The following FHOD1 variants were observed in gnomAD, a reference collection of about 807,000 sequenced individuals.
The protein encoded by FHOD1 is FH1/FH2 domain-containing protein 1.
A neutral mutation model predicts 111.6 loss-of-function variants in FHOD1; 89 were observed. The ratio of observed to expected loss-of-function variants is 0.80; its 90% CI spans 0.67 to 0.95. The LOEUF (loss-of-function observed/expected upper bound fraction) is 0.95, where lower values mean the gene tolerates loss of function less well. Among genes scored for constraint, FHOD1 ranks in the 40% least tolerant of loss-of-function variants. FHOD1 has a pLI of 0.00. For missense variants in FHOD1, 1,446 were observed against 1,554.2 expected, an observed-to-expected ratio of 0.93 and a Z score of 1.17; for synonymous variants, 618 against 639.0, an observed-to-expected ratio of 0.97 and a Z score of 0.50.
In FHOD1 at chr16:67,230,783, A is replaced by G. The variant is rs1340047387; in HGVS notation, c.2676T>C (p.Phe892=). 1.3e-5 allele frequency: 20 copies of G among 1,594,714 alleles called. No homozygotes were observed. The highest frequency in any genetic ancestry group is 1.7e-5 in the Non-Finnish European group (20 of 1,169,870). Residue 892 remains phenylalanine, a synonymous_variant, in exon 18 of 22, where the codon TTT becomes TTC. Coordinates refer to ENST00000258201, the MANE Select transcript of FHOD1 (RefSeq NM_013241.3). ...PALTRCAKVD[F]EQLTENLGQL... ...GCCCCAGGTTCTCAGTCAGCTGTTC[A>G]AAGTCCACCTGAGAAAGCAAGGGGG...
chr16:67,230,402 C>T lies in FHOD1; in HGVS notation c.2963G>A (p.Arg988Gln), dbSNP rs2034211133. 27 of 1,614,120 alleles carry T rather than the reference C, an allele frequency of 1.7e-5. No homozygotes were observed. Among genetic ancestry groups the T allele is most frequent in the Non-Finnish European group, 2.1e-5 (25 of 1,180,040 alleles). ...HTLREFALEY[R>Q]TCRERVLQQQ... ...CTGTAGCACTCGTTCCCGGCAAGTC[C>T]GATACTCAAGCGCAAATTCCCGCAG... is the stretch of plus-strand genomic sequence containing the variant. Residue 988 changes from arginine (R) to glutamine (Q), a missense_variant, in exon 19 of 22, where the codon CGG (arginine) becomes CAG (glutamine). Arg to Gln is a conservative substitution (Grantham distance 43). Around this residue, in one of 3 missense-constraint regions of FHOD1, gnomAD observed 1,085 missense variants for 1,108.8 expected, o/e 0.98. Transcript: ENST00000258201.
In FHOD1 at chr16:67,229,479, CACACACTCACATGCAT is replaced by C; in HGVS notation, c.*141_*156del. 1.5e-6 allele frequency: 1 copy of C among 679,944 alleles called. No homozygotes were observed. The highest frequency in any genetic ancestry group is 1.7e-5 in the South Asian group (1 of 59,440). 42.1% of individuals were successfully genotyped at this position (679,944 alleles called of 1,614,324 possible). A position where few individuals can be genotyped will look rare whatever the true frequency, so the allele number is the denominator to read the frequency against. ...ATATGCATGCACACACACACATACA[CACACACTCACATGCAT>C]ACACACACGGCTAATACTGCTCAAG... On this transcript the variant is annotated 3_prime_UTR_variant, in exon 22 of 22. Transcript: ENST00000258201.
intron 11 of FHOD1, chr16:67,235,948 C>A: frequency 1.3e-6 from 1 of 778,596 alleles, no homozygotes; most frequent in Non-Finnish European, 1.6e-6. Context: ...CGTGAAACCC[C>A]TGCTGGGGGA....
chr16:67,242,911 ATAGATC>A (rs1194782298), intron 1 of FHOD1, among the ~76,000 whole-genome samples: 3 of 151,786 alleles, frequency 2.0e-5, no homozygotes, highest in African/African-American at 7.2e-5. Context: ...ATATATAGAT[ATAGATC>A]TATAATATAT....
rs1567383836 is a variant in FHOD1 at position 67,231,307 on chromosome 16, CCT to C, written c.2546_2547del (p.Glu849GlyfsTer24). The C allele has an allele frequency of 6.2e-7, 1 of 1,614,044 alleles. No homozygotes were observed. Among genetic ancestry groups the C allele is most frequent in the African/African-American group, 1.3e-5 (1 of 74,916 alleles). Reference sequence around the variant, plus strand: ...GACTGTCGACGCACCGTGTCCTTCACCTCTGACACCTTCTCCAGGTAGCTCAG... The same window carrying C: ...GACTGTCGACGCACCGTGTCCTTCACCTGACACCTTCTCCAGGTAGCTCAG... ...FELSYLEKVS[E>X]VKDTVRRQSL... On this transcript the variant is annotated frameshift_variant, in exon 17 of 22. Transcript: ENST00000258201. LOFTEE classifies it high-confidence loss of function. This position sits in a 1 kb window ranked among gnomAD's most constrained non-coding sequence, Gnocchi z 4.3.
At position 67,237,617 on chromosome 16, in the gene FHOD1, G is replaced by A; in HGVS notation, c.754+40C>T. On this transcript the variant is annotated intron_variant, in intron 7 of 21. Coordinates refer to ENST00000258201, the MANE Select transcript of FHOD1 (RefSeq NM_013241.3). This position sits in a 1 kb window ranked among gnomAD's most constrained non-coding sequence, Gnocchi z 5.6. ...GTCATGGGGGAACAGGTAGGAGAGAGGGCTCTGAGCGGTGGGGGGAGAAAG... is the reference window on the plus strand; with the variant it reads ...GTCATGGGGGAACAGGTAGGAGAGAAGGCTCTGAGCGGTGGGGGGAGAAAG... 1 of 1,613,348 alleles carries A rather than the reference G, an allele frequency of 6.2e-7. No individual in the cohort carries two copies. Among genetic ancestry groups the A allele is most frequent in the Non-Finnish European group, 8.5e-7 (1 of 1,179,262 alleles).
chr16:67,230,821 C>A (rs1232945414), intron 17 of FHOD1, 30 bp from the exon 18 acceptor site: 1 of 1,545,118 alleles, frequency 6.5e-7, no homozygotes, highest in Non-Finnish European at 8.7e-7. Flanking sequence ...CACATACTGT[C>A]CCCCCACACC....
At position 67,233,777 on chromosome 16, in the gene FHOD1, G is replaced by A. The variant is rs756543873; in HGVS notation, c.1926C>T (p.Val642=). 1.9e-6 allele frequency: 3 copies of A among 1,613,880 alleles called. No individual in the cohort carries two copies. In the South Asian group the frequency reaches 3.3e-5, roughly 18 times the overall value. The change falls in exon 13 of 22, where the codon GTC becomes GTT. Residue 642 remains valine (V), a synonymous_variant. Coordinates refer to ENST00000258201, the MANE Select transcript of FHOD1 (RefSeq NM_013241.3). ...RELKLAGGHG[V]SASRFGPCAT... ...CGCAGGGCCCAAAGCGGCTTGCAGA[G>A]ACTCCATGGCCCCCAGCCAGCTTCA...
intron 11 of FHOD1, among the ~76,000 whole-genome samples, chr16:67,235,637 C>CG (rs1567389089): frequency 6.6e-6 from 1 of 152,154 alleles, no homozygotes; most frequent in Admixed American, 6.5e-5. Context: ...CCTCCAGCCT[C>CG]TGTCAGCTCT....
Position 67,237,588 on chromosome 16 carries a change from A to C in FHOD1, c.755-19T>G. The C allele has an allele frequency of 4.3e-6, 7 of 1,613,296 alleles. No homozygotes were observed. Among genetic ancestry groups the C allele is most frequent in the Non-Finnish European group, 5.9e-6 (7 of 1,179,242 alleles). The stretch of plus-strand genomic sequence containing the variant: ...GGAGCACCTGCCACACAGAAAGTGG[A>C]GCAGTCATGGGGGAACAGGTAGGAG... On this transcript the variant is annotated intron_variant, in intron 7 of 21. Transcript: ENST00000258201. This position sits in a 1 kb window ranked among gnomAD's most constrained non-coding sequence, Gnocchi z 5.6.
Position 67,229,485 on chromosome 16 carries a change from CT to C in FHOD1, c.*150del. The C allele has an allele frequency of 1.4e-6, 1 of 695,300 alleles. No homozygotes were observed. Among genetic ancestry groups the C allele is most frequent in the Non-Finnish European group, 2.6e-6 (1 of 385,262 alleles). 43.1% of individuals were successfully genotyped at this position (695,300 alleles called of 1,614,324 possible). A position where few individuals can be genotyped will look rare whatever the true frequency, so the allele number is the denominator to read the frequency against. On this transcript the variant is annotated 3_prime_UTR_variant, in exon 22 of 22. Coordinates refer to ENST00000258201, the MANE Select transcript of FHOD1 (RefSeq NM_013241.3). ...ATGCACACACACACATACACACACA[CT>C]CACATGCATACACACACGGCTAATA...
chr16:67,232,330 A>T (rs1214312760), intron 13 of FHOD1, 136 bp from the exon 14 acceptor site: 2 of 740,728 alleles, frequency 2.7e-6, no homozygotes, highest in East Asian at 5.7e-5. Flanking sequence ...ATCCTGGCTA[A>T]CATGGTGAAA....
At position 67,231,782 on chromosome 16, in the gene FHOD1, T is replaced by TG. The variant is rs1567384641; in HGVS notation, c.2239dup (p.Gln747ProfsTer4). On this transcript the variant is annotated frameshift_variant, in exon 15 of 22. Coordinates refer to ENST00000258201, the MANE Select transcript of FHOD1 (RefSeq NM_013241.3). LOFTEE classifies it high-confidence loss of function. The surrounding 1 kb of genome is among the most constrained non-coding windows in gnomAD (Gnocchi z 4.3). ...GGCCAGCTGGGCTTCCTCAATCTTC[T>TG]GCCGCTCTTCCTCCGTGGGCATCAT... 6.2e-7 allele frequency: 1 copy of TG among 1,613,924 alleles called. No homozygotes were observed. Among genetic ancestry groups the TG allele is most frequent in the Non-Finnish European group, 8.5e-7 (1 of 1,179,974 alleles).
intron 1 of FHOD1, among the ~76,000 whole-genome samples, chr16:67,246,328 A>G (rs6416692): frequency 0.94 from 143,218 of 152,262 alleles, 67,479 homozygotes; most frequent in East Asian, 1. Flanking sequence ...GAGCTTGTGG[A>G]GGTGGTAGTG....
chr16:67,233,011 CCTCCCAA>C (rs1270985894), intron 13 of FHOD1, among the ~76,000 whole-genome samples: 6 of 152,038 alleles, frequency 3.9e-5, no homozygotes, highest in African/African-American at 7.2e-5. Context: ...CCTGCCTTGG[CCTCCCAA>C]AGTGCTGGGA....
rs1290705842 is a variant in FHOD1 at position 67,229,567 on chromosome 16, G to T, written c.*69C>A. On this transcript the variant is annotated 3_prime_UTR_variant, in exon 22 of 22. Transcript: ENST00000258201. ...TTCTGGGGCCAGAATTCTGCTCTGG[G>T]CCCTCCTCACTCTGTCATCTCCTGC... 2.8e-6 allele frequency: 4 copies of T among 1,408,588 alleles called. No homozygotes were observed. Among genetic ancestry groups the T allele is most frequent in the African/African-American group, 1.4e-5 (1 of 71,116 alleles). The allele number at this position is 1,408,588 out of a possible 1,614,324, so 87.3% of individuals were successfully genotyped here. A position where few individuals can be genotyped will look rare whatever the true frequency, so the allele number is the denominator to read the frequency against.
chr16:67,239,296 C>A (rs1420715187), intron 2 of FHOD1, 52 bp downstream of exon 2: 26 of 1,393,062 alleles, frequency 1.9e-5, no homozygotes, highest in Non-Finnish European at 1.0e-6. Flanking sequence ...TTTGAGCTAG[C>A]CCCTGGCAAG....
intron 11 of FHOD1, 44 bp downstream of exon 11, chr16:67,236,513 A>T: frequency 6.3e-7 from 1 of 1,597,000 alleles, no homozygotes; most frequent in Non-Finnish European, 8.5e-7. Context: ...GCGGAGGGAC[A>T]ATGGGAGAGA....
At position 67,229,960 on chromosome 16, in the gene FHOD1, G is replaced by A; in HGVS notation, c.3245C>T (p.Pro1082Leu). The A allele has an allele frequency of 6.2e-7, 1 of 1,614,178 alleles. No homozygotes were observed. The highest frequency in any genetic ancestry group is 1.1e-5 in the South Asian group (1 of 91,084). Residue 1082 changes from proline (P) to leucine (L), a missense_variant, in exon 21 of 22, where the codon CCC becomes CTC. Pro to Leu is a moderately conservative substitution (Grantham distance 98, BLOSUM62 -3). Around this residue, in one of 3 missense-constraint regions of FHOD1, gnomAD observed 1,085 missense variants for 1,108.8 expected, o/e 0.98. Transcript: ENST00000258201. ...GGATGCAGTGGAGGGCCCCACTGTGGGCATGATTGGGGAGCTGCTCTGGAC... is the reference window on the plus strand; with the variant it reads ...GGATGCAGTGGAGGGCCCCACTGTGAGCATGATTGGGGAGCTGCTCTGGAC... The part of the protein sequence containing the change: ...GMVQSSSPIM[P>L]TVGPSTASPE...
Sources: gnomAD v4.1 joint callset for allele counts (sites outside exome capture counted in the v4.1 genomes callset) on GRCh38, gnomAD v4.1.1 for gene constraint, gnomAD v4.1.1 regional missense constraint, Gnocchi (gnomAD v3.1) non-coding constraint, MANE v1.5 for transcripts, NCBI Gene and HGNC (gene_info 2026-07-23, HGNC 2026-07-21) for gene names.